SMIM23: variants seen among roughly 807,000 people sequenced by gnomAD.
The protein encoded by SMIM23 is small integral membrane protein 23.
In SMIM23, 10 loss-of-function variants were observed where a neutral mutation model predicts 12.8. The observed-to-expected ratio is 0.78, with a 90% confidence interval of 0.48 to 1.32. The LOEUF is 1.32. Among genes scored for constraint, SMIM23 ranks in the 40% most tolerant of loss-of-function variants. The pLI is 0.00. For synonymous variants in SMIM23, 78 were observed against 80.1 expected (o/e 0.97, Z 0.14); for missense variants, 184 against 198.2 (o/e 0.93, Z 0.43).
At chr5:171,790,406 C>T (rs1174867848) in intron 2 of SMIM23, 76 bp from the exon 3 acceptor site, 7 of 1,515,160 alleles carry the variant, frequency 4.6e-6, no homozygotes, top group Admixed American at 2.0e-5. Flanking sequence ...CCCTTCATCA[C>T]ACTGGGATAA....
At chr5:171,783,570 G>A (rs1040219339), upstream of SMIM23, among the ~76,000 whole-genome samples, 1 of 152,198 alleles carries the variant, frequency 6.6e-6, no homozygotes. Context: ...AATGAATCAT[G>A]GGCTGAAATG....
chr5:171,790,833 G>A lies in SMIM23; in HGVS notation c.264G>A (p.Pro88=), dbSNP rs765363060. ...AGACCAACGAGCCCTCAGAAGAACC[G>A]ATAAAGACCATCAGGAACTGGCTGA... ...EYQTNEPSEE[P]IKTIRNWLKE... is the part of the protein sequence containing the mutation. The change falls in exon 4 of 4, where the codon CCG becomes CCA. Residue 88 remains proline, a synonymous_variant. Transcript: ENST00000523047. 16 of 1,535,996 alleles carry A rather than the reference G, an allele frequency of 1.0e-5. No individual in the cohort carries two copies. The highest frequency in any genetic ancestry group is 5.9e-5 in the South Asian group (5 of 84,054).
the SMIM23 span, chr5:171,773,503 G>T: frequency 1.2e-5 from 4 of 320,546 alleles, no homozygotes; most frequent in African/African-American, 6.7e-5. Flanking sequence ...CACAGCCCCA[G>T]ACAGGAGGGA....
Position 171,790,482 on chromosome 5 carries a change from G to C in SMIM23, c.158G>C (p.Gly53Ala), listed in dbSNP as rs150786202. 2.6e-6 allele frequency: 4 copies of C among 1,536,726 alleles called. No homozygotes were observed. Among genetic ancestry groups the C allele is most frequent in the Non-Finnish European group, 3.5e-6 (4 of 1,147,042 alleles). Residue 53 changes from glycine (G) to alanine (A), a missense_variant and splice_region_variant, in exon 3 of 4, where the codon GGA becomes GCA. Physicochemically the swap from Gly to Ala is moderately conservative, Grantham distance 60. Transcript: ENST00000523047. ...LVLYLSTEIW[G>A]SSWEVSERIR... ...GAGGTGATGTTTGTGCCTGTTTCAG[G>C]AAGCAGTTGGGAGGTGTCAGAAAGG...
chr5:171,774,324 G>A, the SMIM23 span: 3 of 440,430 alleles, frequency 6.8e-6, no homozygotes, highest in Non-Finnish European at 9.1e-6. Flanking sequence ...AGACAGTAAT[G>A]TTGTTCCTGT....
At chr5:171,783,906 T>C (rs532611691), upstream of SMIM23, among the ~76,000 whole-genome samples, 1 of 152,260 alleles carries the variant, frequency 6.6e-6, no homozygotes, top group East Asian at 1.9e-4. Flanking sequence ...GGAACAAATG[T>C]TCCACTGAGG....
At chr5:171,789,128 C>T (rs1172714723) in intron 1 of SMIM23, among the ~76,000 whole-genome samples, 1 of 152,236 alleles carries the variant, frequency 6.6e-6, no homozygotes, top group African/African-American at 2.4e-5. Context: ...CGCCACCGCG[C>T]CTGGCCTAGA....
chr5:171,773,418 G>GGT, the SMIM23 span, among the ~76,000 whole-genome samples: 1 of 29,968 alleles, frequency 3.3e-5, no homozygotes, highest in African/African-American at 4.1e-4. Flanking sequence ...TCCCTTCTGA[G>GGT]CCCCCTGTCT....
At chr5:171,784,025 T>C (rs568061936), upstream of SMIM23, among the ~76,000 whole-genome samples, 3 of 152,164 alleles carry the variant, frequency 2.0e-5, no homozygotes, top group South Asian at 2.1e-4. Flanking sequence ...GAGGATTGCT[T>C]GAGCCCAGAA....
At position 171,791,024 on chromosome 5, in the gene SMIM23, T is replaced by G; in HGVS notation, c.455T>G (p.Leu152Arg). 6.5e-7 allele frequency: 1 copy of G among 1,534,046 alleles called. No homozygotes were observed. The highest frequency in any genetic ancestry group is 2.4e-5 in the East Asian group (1 of 40,906). Residue 152 changes from leucine to arginine, a missense_variant, in exon 4 of 4, where the codon CTG becomes CGG. By Grantham distance (102) the Leu-to-Arg change is moderately radical. Transcript: ENST00000523047. ...KSHLWEWAWA[L>R]GREHKGGEGL... Reference sequence around the variant, plus strand: ...CACTTGTGGGAGTGGGCCTGGGCCCTGGGGAGAGAGCACAAAGGTGGGGAG... The same window carrying G: ...CACTTGTGGGAGTGGGCCTGGGCCCGGGGGAGAGAGCACAAAGGTGGGGAG...
chr5:171,781,927 T>C (rs1274901925), upstream of SMIM23, among the ~76,000 whole-genome samples: 1 of 152,180 alleles, frequency 6.6e-6, no homozygotes, highest in Non-Finnish European at 1.5e-5. Flanking sequence ...GCTCTGTGTC[T>C]AGTTAAAAGA....
At chr5:171,777,560 A>G (rs754545529), upstream of SMIM23, among the ~76,000 whole-genome samples, 11 of 152,204 alleles carry the variant, frequency 7.2e-5, no homozygotes, top group Admixed American at 3.3e-4. Context: ...TGCTTGCCAC[A>G]GTGAGAGAGA....
the SMIM23 span, among the ~76,000 whole-genome samples, chr5:171,776,131 A>G: frequency 6.6e-6 from 1 of 152,182 alleles, no homozygotes; most frequent in Admixed American, 6.5e-5. Context: ...TTGGCCTCCC[A>G]AAGTGCTGGG....
chr5:171,783,892 G>A (rs1026550393), upstream of SMIM23, among the ~76,000 whole-genome samples: 16 of 152,248 alleles, frequency 1.1e-4, no homozygotes, highest in South Asian at 3.1e-3. Context: ...ATGGGCAAAA[G>A]ACAGGAACAA....
At chr5:171,779,191 T>C (rs750960331), upstream of SMIM23, among the ~76,000 whole-genome samples, 14 of 152,214 alleles carry the variant, frequency 9.2e-5, no homozygotes, top group Non-Finnish European at 1.6e-4. Context: ...GGAGGTTTCA[T>C]ACAAAAGACT....
upstream of SMIM23, among the ~76,000 whole-genome samples, chr5:171,783,569 T>C (rs1407487985): frequency 6.6e-6 from 1 of 152,176 alleles, no homozygotes; most frequent in Non-Finnish European, 1.5e-5. Context: ...AAATGAATCA[T>C]GGGCTGAAAT....
chr5:171,781,068 A>G (rs1755718206), upstream of SMIM23, among the ~76,000 whole-genome samples: 1 of 152,262 alleles, frequency 6.6e-6, no homozygotes, highest in Admixed American at 6.5e-5. Context: ...CACAATGCCC[A>G]GTACTTAGAA....
chr5:171,782,045 C>G (rs1031624015), upstream of SMIM23, among the ~76,000 whole-genome samples: 1 of 152,226 alleles, frequency 6.6e-6, no homozygotes, highest in Non-Finnish European at 1.5e-5. Context: ...TGGCAACCTG[C>G]TTAGGTACCT....
chr5:171,779,022 A>G (rs951137249), upstream of SMIM23, among the ~76,000 whole-genome samples: 1 of 152,220 alleles, frequency 6.6e-6, no homozygotes, highest in African/African-American at 2.4e-5. Context: ...CATAGCAGGT[A>G]GCAAGCTCCA....
Sources: allele counts gnomAD v4.1 joint callset (sites outside exome capture counted in the v4.1 genomes callset), GRCh38; gene constraint gnomAD v4.1.1; transcripts MANE v1.5; gene names NCBI Gene and HGNC (gene_info 2026-07-23, HGNC 2026-07-21).